Variants in CELF2 observed in about 807,000 individuals in gnomAD.
CELF2 encodes the protein CUGBP Elav-like family member 2, also known as CUG triplet repeat RNA-binding protein 2.
CELF2 carries 8 observed loss-of-function variants against 62.6 expected under a neutral mutation model. That is an observed-to-expected ratio of 0.13 (90% confidence interval 0.07 to 0.23). The LOEUF (loss-of-function observed/expected upper bound fraction) is 0.23. CELF2 is among the 10% of genes least tolerant of loss of function. The pLI is 1.00. For synonymous variants in CELF2, 258 were observed against 250.0 expected (o/e 1.03, Z -0.30); for missense variants, 333 against 671.0 (o/e 0.50, Z 5.56).
intron 2 of CELF2, among the ~76,000 whole-genome samples, chr10:10,994,442 C>A (rs1404824637): frequency 6.6e-6 from 1 of 152,182 alleles, no homozygotes; most frequent in Non-Finnish European, 1.5e-5. Context: ...GCCTGATTTA[C>A]AACAGGGGTC....
At chr10:10,558,936 C>T in the CELF2 span, among the ~76,000 whole-genome samples, 54 of 152,220 alleles carry the variant, frequency 3.5e-4, no homozygotes, top group African/African-American at 1.3e-3. Flanking sequence ...AAAATGTACA[C>T]TGAATTTCCA....
rs2065150415 is a variant in CELF2, at chr10:11,159,187, T to A, written c.75-6299T>A. On this transcript the variant is annotated intron_variant, in intron 1 of 12. Transcript: ENST00000633077. The surrounding 1 kb of genome is among the most constrained non-coding windows in gnomAD (Gnocchi z 5.0). ...CAAAAGGTTTAGTACACATGATAAA[T>A]GGTAACAATACCTTCCACCTAAATA... Among the ~76,000 whole-genome samples, 1 of 152,246 alleles carries A rather than the reference T, an allele frequency of 6.6e-6. No homozygotes were observed.
At chr10:11,061,789 T>G (rs1474373272) in intron 1 of CELF2, among the ~76,000 whole-genome samples, 1 of 152,236 alleles carries the variant, frequency 6.6e-6, no homozygotes, top group Non-Finnish European at 1.5e-5. Flanking sequence ...CACATCTGTT[T>G]ACAGCATGGT....
At chr10:10,888,959 A>C (rs1009135059) in intron 1 of CELF2, among the ~76,000 whole-genome samples, 1 of 152,160 alleles carries the variant, frequency 6.6e-6, no homozygotes, top group Non-Finnish European at 1.5e-5. Flanking sequence ...ACCCAAGCAA[A>C]TCATAGACTC....
At chr10:11,295,691 A>G (rs1322068140) in intron 9 of CELF2, among the ~76,000 whole-genome samples, 4 of 152,236 alleles carry the variant, frequency 2.6e-5, no homozygotes, top group Non-Finnish European at 5.9e-5. Flanking sequence ...GAAGCATGAC[A>G]CACAAACCAG....
At chr10:10,964,603 G>A (rs774841860) in intron 2 of CELF2, among the ~76,000 whole-genome samples, 4 of 152,102 alleles carry the variant, frequency 2.6e-5, no homozygotes, top group Admixed American at 6.5e-5. Flanking sequence ...ATATCATTTC[G>A]AGAGCAGAAG....
chr10:10,793,230 A>T, the CELF2 span, among the ~76,000 whole-genome samples: 2 of 152,210 alleles, frequency 1.3e-5, no homozygotes, highest in African/African-American at 4.8e-5. Flanking sequence ...TAGACTTTTC[A>T]TTGTACCAGG....
chr10:10,610,946 A>G, the CELF2 span, among the ~76,000 whole-genome samples: 5 of 152,200 alleles, frequency 3.3e-5, no homozygotes, highest in South Asian at 2.1e-4. Context: ...AAGTAAAATG[A>G]CCCCATGTGG....
At chr10:11,147,930 G>A (rs1359909086) in intron 1 of CELF2, among the ~76,000 whole-genome samples, 1 of 152,244 alleles carries the variant, frequency 6.6e-6, no homozygotes, top group Non-Finnish European at 1.5e-5. Context: ...GCATGGCACA[G>A]TGGCAGCAAA....
chr10:11,150,345 A>C (rs550894754), intron 1 of CELF2, among the ~76,000 whole-genome samples: 1 of 152,218 alleles, frequency 6.6e-6, no homozygotes, highest in Non-Finnish European at 1.5e-5. Context: ...TGCTATCTAA[A>C]CATGAACCCT....
chr10:10,666,973 G>A, the CELF2 span, among the ~76,000 whole-genome samples: 1 of 151,656 alleles, frequency 6.6e-6, no homozygotes, highest in African/African-American at 2.4e-5. Context: ...ATACACATAC[G>A]TTCATGCACA....
At chr10:10,953,818 T>TA (rs58340846) in intron 2 of CELF2, among the ~76,000 whole-genome samples, 60,964 of 142,890 alleles carry the variant, frequency 0.43, 13,836 homozygotes, top group East Asian at 0.89. Flanking sequence ...ACAAGCAAAG[T>TA]AAAAAAAAAA....
At chr10:10,905,308 A>T (rs1438385733) in intron 1 of CELF2, among the ~76,000 whole-genome samples, 1 of 152,220 alleles carries the variant, frequency 6.6e-6, no homozygotes, top group East Asian at 1.9e-4. Flanking sequence ...ATTTTTCAGT[A>T]TATTCGTATC....
At chr10:11,326,924 G>C (rs1034962360) in intron 12 of CELF2, among the ~76,000 whole-genome samples, 2 of 152,152 alleles carry the variant, frequency 1.3e-5, no homozygotes, top group African/African-American at 4.8e-5. Flanking sequence ...AAGGGAGGGT[G>C]GTTCTCAAAC....
intron 1 of CELF2, among the ~76,000 whole-genome samples, chr10:10,812,392 C>T (rs934733425): frequency 6.6e-6 from 1 of 152,150 alleles, no homozygotes; most frequent in African/African-American, 2.4e-5. Flanking sequence ...ATGGAAGCTA[C>T]AATTGAAGAT....
At chr10:10,792,078 A>G in the CELF2 span, among the ~76,000 whole-genome samples, 697 of 135,808 alleles carry the variant, frequency 5.1e-3, 11 homozygotes, top group South Asian at 0.014. Flanking sequence ...GGAAGGAGGA[A>G]AGGGAGGGAG....
the CELF2 span, among the ~76,000 whole-genome samples, chr10:10,572,428 G>T: frequency 6.6e-6 from 1 of 151,990 alleles, no homozygotes; most frequent in East Asian, 1.9e-4. Context: ...TGCCATGGTG[G>T]TTTGCCGCAC....
the CELF2 span, among the ~76,000 whole-genome samples, chr10:10,561,975 C>G: frequency 6.6e-6 from 1 of 152,096 alleles, no homozygotes; most frequent in African/African-American, 2.4e-5. Flanking sequence ...GAGAGTGATG[C>G]GATACCAGGA....
the CELF2 span, among the ~76,000 whole-genome samples, chr10:10,676,067 G>A: frequency 2.2e-4 from 33 of 152,304 alleles, no homozygotes; most frequent in African/African-American, 7.9e-4. Context: ...GCTGGTGGTA[G>A]GCTTTAATAA....
Sources: allele counts gnomAD v4.1 joint callset (sites outside exome capture counted in the v4.1 genomes callset), GRCh38; gene constraint gnomAD v4.1.1; non-coding constraint Gnocchi (gnomAD v3.1); transcripts MANE v1.5; gene names NCBI Gene and HGNC (gene_info 2026-07-23, HGNC 2026-07-21).